The following TRIQK variants were observed in gnomAD, a reference collection of about 807,000 sequenced individuals.
TRIQK encodes the protein triple QxxK/R motif containing.
In TRIQK, 10 loss-of-function variants were observed where a neutral mutation model predicts 10.8. The ratio of observed to expected loss-of-function variants is 0.92; its 90% CI spans 0.57 to 1.57. The LOEUF (loss-of-function observed/expected upper bound fraction) is 1.57, where lower values mean the gene tolerates loss of function less well. Among genes scored for constraint, TRIQK ranks in the 40% most tolerant of loss-of-function variants. The probability of loss-of-function intolerance (pLI) is 0.00; values close to 1 mark genes in which losing one functional copy is unlikely to be tolerated. For missense variants in TRIQK, 107 were observed against 97.7 expected, an observed-to-expected ratio of 1.09 and a Z score of -0.40; for synonymous variants, 33 against 33.7, an observed-to-expected ratio of 0.98 and a Z score of 0.07.
chr8:92,926,400 C>G (rs1810450542), intron 2 of TRIQK: 5 of 151,870 alleles, frequency 3.3e-5, no homozygotes, highest in African/African-American at 1.2e-4. Context: ...AATTACAGAC[C>G]AATCCATTAT....
chr8:92,912,940 C>T (rs1469034304), intron 3 of TRIQK, among the ~76,000 whole-genome samples: 1 of 151,918 alleles, frequency 6.6e-6, no homozygotes, highest in Non-Finnish European at 1.5e-5. Flanking sequence ...AGAGGGAACA[C>T]CTTCAAACTC....
chr8:92,931,015 C>A (rs180873714), intron 2 of TRIQK, among the ~76,000 whole-genome samples: 4 of 152,120 alleles, frequency 2.6e-5, no homozygotes, highest in Admixed American at 1.3e-4. Context: ...ATATGAATGG[C>A]CTTTTCTTGG....
Position 92,959,171 on chromosome 8 carries a change from A to T in TRIQK, c.-180-4607T>A, listed in dbSNP as rs557210668. On this transcript the variant is annotated intron_variant, in intron 1 of 4. Coordinates refer to ENST00000521988, the MANE Select transcript of TRIQK (RefSeq NM_001171797.2). ...TTTTCAACCGTTTAAATATGTACAA[A>T]CCATTCCAAGCTCACGGATCATAGG... is the stretch of plus-strand genomic sequence containing the variant. 1.4e-4 allele frequency among the ~76,000 whole-genome samples: 21 copies of T among 152,082 alleles called. No individual in the cohort carries two copies. In the South Asian group the frequency reaches 3.5e-3, roughly 26 times the overall value.
chr8:92,989,751 G>T (rs1813077016), intron 1 of TRIQK, among the ~76,000 whole-genome samples: 1 of 152,116 alleles, frequency 6.6e-6, no homozygotes, highest in Non-Finnish European at 1.5e-5. Flanking sequence ...CCATCCCTCA[G>T]CCTGGTCCAT....
At chr8:92,999,208 C>T (rs1044926089) in intron 1 of TRIQK, among the ~76,000 whole-genome samples, 1 of 152,096 alleles carries the variant, frequency 6.6e-6, no homozygotes, top group Non-Finnish European at 1.5e-5. Flanking sequence ...TGAATACTAG[C>T]TATTGCTGTT....
chr8:92,961,174 A>T (rs750567583), intron 1 of TRIQK, among the ~76,000 whole-genome samples: 5 of 152,130 alleles, frequency 3.3e-5, no homozygotes, highest in Non-Finnish European at 7.4e-5. Flanking sequence ...GTTTCACTTG[A>T]TTTATTTTCA....
At chr8:92,959,428 A>G (rs1473754983) in intron 1 of TRIQK, among the ~76,000 whole-genome samples, 3 of 151,726 alleles carry the variant, frequency 2.0e-5, no homozygotes, top group Non-Finnish European at 4.4e-5. Context: ...TTTTAGCTAT[A>G]TTTAACAAAA....
chr8:92,883,881 GTTATA>G lies in TRIQK; in HGVS notation c.*2736_*2740del, dbSNP rs1244312288. Reference sequence around the variant, plus strand: ...TGTTTTAAAAGCAATTCTAGATGAGGTTATATTTTTACAATACTGTATCTCATCTC... The same window carrying G: ...TGTTTTAAAAGCAATTCTAGATGAGGTTTTTACAATACTGTATCTCATCTC... On this transcript the variant is annotated 3_prime_UTR_variant, in exon 5 of 5. Coordinates refer to ENST00000521988, the MANE Select transcript of TRIQK (RefSeq NM_001171797.2). 2.0e-5 allele frequency: 3 copies of G among 151,594 alleles called. No homozygotes were observed. The highest frequency in any genetic ancestry group is 4.4e-5 in the Non-Finnish European group (3 of 67,798). 9.4% of individuals were successfully genotyped at this position (151,594 alleles called of 1,614,324 possible).
intron 1 of TRIQK, among the ~76,000 whole-genome samples, chr8:93,001,669 G>T (rs977185901): frequency 6.6e-6 from 1 of 152,180 alleles, no homozygotes; most frequent in Non-Finnish European, 1.5e-5. Flanking sequence ...GGGAGATATA[G>T]AGTGTAATAG....
At chr8:92,999,666 A>G (rs1420462865) in intron 1 of TRIQK, among the ~76,000 whole-genome samples, 1 of 152,158 alleles carries the variant, frequency 6.6e-6, no homozygotes, top group Non-Finnish European at 1.5e-5. Context: ...CAGAAATGGA[A>G]TTGTTGCCTC....
intron 1 of TRIQK, among the ~76,000 whole-genome samples, chr8:92,990,118 A>G (rs1271856707): frequency 1.3e-5 from 2 of 152,264 alleles, no homozygotes; most frequent in South Asian, 2.1e-4. Context: ...GAATGAGGTA[A>G]GATGGAACTA....
intron 1 of TRIQK, chr8:92,972,919 A>C (rs2130738479): frequency 6.6e-6 from 1 of 152,258 alleles, no homozygotes; most frequent in African/African-American, 2.4e-5. Context: ...ATTTTTTGTA[A>C]GTTCAGTCTA....
intron 1 of TRIQK, among the ~76,000 whole-genome samples, chr8:93,003,521 C>T (rs929833823): frequency 1.3e-5 from 2 of 149,228 alleles, no homozygotes; most frequent in African/African-American, 4.8e-5. Context: ...GGACACAGAG[C>T]CAAACCATGT....
At chr8:93,009,933 TC>T (rs1813314859) in intron 1 of TRIQK, among the ~76,000 whole-genome samples, 1 of 151,110 alleles carries the variant, frequency 6.6e-6, no homozygotes, top group South Asian at 2.1e-4. Context: ...GGTATACTAT[TC>T]AGACATAAAA....
intron 1 of TRIQK, among the ~76,000 whole-genome samples, chr8:92,994,150 T>A (rs1475478653): frequency 6.6e-6 from 1 of 152,200 alleles, no homozygotes; most frequent in Non-Finnish European, 1.5e-5. Context: ...TTTAGTGCAC[T>A]ATCTTCTTTT....
chr8:92,941,516 C>T (rs1224151575), intron 2 of TRIQK, among the ~76,000 whole-genome samples: 1 of 151,920 alleles, frequency 6.6e-6, no homozygotes. Flanking sequence ...AACAACATAA[C>T]ATTGCACCTC....
At chr8:92,949,806 GAAAGAA>G (rs1811779619) in intron 2 of TRIQK, among the ~76,000 whole-genome samples, 1 of 91,522 alleles carries the variant, frequency 1.1e-5, no homozygotes, top group Non-Finnish European at 2.1e-5. Flanking sequence ...AAGAAAGAAA[GAAAGAA>G]AGAAAGAAAG....
At chr8:92,897,835 T>C (rs764410869) in intron 3 of TRIQK, among the ~76,000 whole-genome samples, 2 of 152,076 alleles carry the variant, frequency 1.3e-5, no homozygotes, top group Non-Finnish European at 2.9e-5. Flanking sequence ...GTTTTTGTGT[T>C]GGGGTACATC....
chr8:92,969,814 T>C (rs1812855650), upstream of TRIQK, among the ~76,000 whole-genome samples: 2 of 152,224 alleles, frequency 1.3e-5, no homozygotes, highest in East Asian at 3.9e-4. Context: ...GGTTCCAGGA[T>C]ACATTTGCAG....
Sources: allele counts gnomAD v4.1 joint callset (sites outside exome capture counted in the v4.1 genomes callset), GRCh38; gene constraint gnomAD v4.1.1; transcripts MANE v1.5; gene names NCBI Gene and HGNC (gene_info 2026-07-23, HGNC 2026-07-21).